The following CARS1 variants were observed in gnomAD, a reference collection of about 807,000 sequenced individuals.
CARS1 encodes the protein cysteinyl-tRNA synthetase 1, also known as cysteine--tRNA ligase, cytoplasmic.
CARS1 carries 48 observed loss-of-function variants against 106.2 expected under a neutral mutation model. That is an observed-to-expected ratio of 0.45 (90% CI 0.36 to 0.57). The LOEUF (loss-of-function observed/expected upper bound fraction) is 0.57. CARS1 is among the 20% of genes least tolerant of loss of function. The pLI is 0.00. For synonymous variants in CARS1, 409 were observed against 403.4 expected (o/e 1.01, Z -0.17); for missense variants, 968 against 1,057.2 (o/e 0.92, Z 1.17).
rs1413167199 is a variant in CARS1, at chr11:3,029,060, G to A, written c.967C>T (p.Arg323Trp). ...LNVLPPDVLT[R>W]VSEYVPEIVN... The stretch of plus-strand genomic sequence containing the variant: ...ATTTCTGGCACATACTCACTAACCC[G>A]GGTTAAGACATCTGGAGGGAGAACC... Residue 323 changes from arginine (R) to tryptophan (W), a missense_variant, in exon 9 of 23, where the codon CGG becomes TGG. Transcript: ENST00000380525. The surrounding 1 kb of genome is among the most constrained non-coding windows in gnomAD (Gnocchi z 5.9). 1.9e-6 allele frequency: 3 copies of A among 1,613,544 alleles called. No individual in the cohort carries two copies. Among genetic ancestry groups the A allele is most frequent in the Non-Finnish European group, 1.7e-6 (2 of 1,179,496 alleles).
In CARS1 at chr11:3,040,865, A is replaced by G. The variant is rs753311098; in HGVS notation, c.455+31T>C. ...CTCTGACTTCTGCGTGCAACTGCAG[A>G]AGCTGCAGGGACACCCCGCGGTGGA... On this transcript the variant is annotated intron_variant, in intron 4 of 22. Transcript: ENST00000380525. This position sits in a 1 kb window ranked among gnomAD's most constrained non-coding sequence, Gnocchi z 5.8. 1.9e-6 allele frequency: 3 copies of G among 1,606,004 alleles called. No homozygotes were observed. In the East Asian group the frequency reaches 6.7e-5, roughly 36 times the overall value.
chr11:3,054,991 T>C (rs1347414738), intron 1 of CARS1: 1 of 702,422 alleles, frequency 1.4e-6, no homozygotes, highest in East Asian at 2.7e-5. Flanking sequence ...ATAATCAGGC[T>C]CTTGGACAGG....
In CARS1 at chr11:3,001,017, G is replaced by A. The variant is rs1849351960; in HGVS notation, c.*97C>T. On this transcript the variant is annotated 3_prime_UTR_variant, in exon 23 of 23. Transcript: ENST00000380525. ...CACAACTCTTAATTTAGGACCCAAG[G>A]GTGACTGTAAACATGATAGGAGCGC... The A allele has an allele frequency of 7.3e-7, 1 of 1,374,294 alleles. No homozygotes were observed. The highest frequency in any genetic ancestry group is 1.4e-5 in the African/African-American group (1 of 70,168). 85.1% of individuals were successfully genotyped at this position (1,374,294 alleles called of 1,614,324 possible). A position where few individuals can be genotyped will look rare whatever the true frequency, so the allele number is the denominator to read the frequency against.
chr11:3,055,136 A>G, intron 1 of CARS1: 1 of 598,314 alleles, frequency 1.7e-6, no homozygotes, highest in Non-Finnish European at 3.0e-6. Context: ...AAATCTGGGA[A>G]GATGGTCACT....
Position 3,017,982 on chromosome 11 carries a change from C to A in CARS1, c.1630-28G>T, listed in dbSNP as rs771823513. ...GAAGTTAGAAAAATCAGTTTAACAG[C>A]ATTTAGGCAACTTTTCCATCCTGAA... On this transcript the variant is annotated intron_variant, in intron 14 of 22. Coordinates refer to ENST00000380525, the MANE Select transcript of CARS1 (RefSeq NM_001014437.3). The surrounding 1 kb of genome is among the most constrained non-coding windows in gnomAD (Gnocchi z 4.9). 5.5e-6 allele frequency: 8 copies of A among 1,466,028 alleles called. No individual in the cohort carries two copies. Among genetic ancestry groups the A allele is most frequent in the Admixed American group, 5.1e-5 (3 of 58,422 alleles). The allele number at this position is 1,466,028 out of a possible 1,614,324, so 90.8% of individuals were successfully genotyped here. A position where few individuals can be genotyped will look rare whatever the true frequency, so the allele number is the denominator to read the frequency against.
chr11:3,020,408 C>T lies in CARS1; in HGVS notation c.1154-76G>A. 2 of 848,590 alleles carry T rather than the reference C, an allele frequency of 2.4e-6. No homozygotes were observed. Among genetic ancestry groups the T allele is most frequent in the Non-Finnish European group, 4.1e-6 (2 of 492,578 alleles). 52.6% of individuals were successfully genotyped at this position (848,590 alleles called of 1,614,324 possible). On this transcript the variant is annotated intron_variant, in intron 10 of 22. Coordinates refer to ENST00000380525, the MANE Select transcript of CARS1 (RefSeq NM_001014437.3). The surrounding 1 kb of genome is among the most constrained non-coding windows in gnomAD (Gnocchi z 4.6). Reference sequence around the variant, plus strand: ...CCACATGTCTCACTTCAAGGCCATCCACGGTGCCTAATGGGCAGTCCTTCT... The same window carrying T: ...CCACATGTCTCACTTCAAGGCCATCTACGGTGCCTAATGGGCAGTCCTTCT...
rs183436671 is a variant in CARS1 at position 3,050,491 on chromosome 11, C to T, written c.26-2490G>A. Among the ~76,000 whole-genome samples, 232 of 152,288 alleles carry T rather than the reference C, an allele frequency of 1.5e-3. 1 individual carries two copies. Among genetic ancestry groups the T allele is most frequent in the African/African-American group, 5.3e-3 (219 of 41,558 alleles). On this transcript the variant is annotated intron_variant, in intron 1 of 22. Transcript: ENST00000380525. This position sits in a 1 kb window ranked among gnomAD's most constrained non-coding sequence, Gnocchi z 6.3. ...AGAAGCTTTGGACTTGAGAGCCAGCCCTTGTCACCTGGATTCCTGCAAGCC... is the reference window on the plus strand; with the variant it reads ...AGAAGCTTTGGACTTGAGAGCCAGCTCTTGTCACCTGGATTCCTGCAAGCC...
chr11:3,054,111 C>A (rs1206376864), intron 1 of CARS1, among the ~76,000 whole-genome samples: 2 of 152,124 alleles, frequency 1.3e-5, no homozygotes, highest in Non-Finnish European at 2.9e-5. Context: ...AACTAGGAGC[C>A]AACACTGCCC....
At chr11:3,026,866 T>C (rs1229556110) in intron 9 of CARS1, 69 bp from the exon 10 acceptor site, 5 of 1,541,366 alleles carry the variant, frequency 3.2e-6, no homozygotes, top group South Asian at 1.2e-5. Context: ...AGGATGACAG[T>C]AACAAAATAA....
At position 3,034,156 on chromosome 11, in the gene CARS1, CGT is replaced by C. The variant is rs555119910; in HGVS notation, c.801+3892_801+3893del. ...TGCCAACATGTAACAGAGATGAATT[CGT>C]GTCTTAGTCTGTTTTCTGTTTTTTT... On this transcript the variant is annotated intron_variant, in intron 7 of 22. Coordinates refer to ENST00000380525, the MANE Select transcript of CARS1 (RefSeq NM_001014437.3). This position sits in a 1 kb window ranked among gnomAD's most constrained non-coding sequence, Gnocchi z 6.3. Among the ~76,000 whole-genome samples, 103 of 151,388 alleles carry C rather than the reference CGT, an allele frequency of 6.8e-4. No homozygotes were observed. Among genetic ancestry groups the C allele is most frequent in the Non-Finnish European group, 1.3e-3 (89 of 67,850 alleles).
chr11:3,002,193 GGAA>G, intron 21 of CARS1, 140 bp from the exon 22 acceptor site: 1 of 701,576 alleles, frequency 1.4e-6, no homozygotes, highest in Non-Finnish European at 2.5e-6. Flanking sequence ...GATGGGAAGG[GGAA>G]AGCCAAGGTG....
Position 3,019,041 on chromosome 11 carries a change from G to C in CARS1, c.1395+98C>G. On this transcript the variant is annotated intron_variant, in intron 12 of 22. Transcript: ENST00000380525. The surrounding 1 kb of genome is among the most constrained non-coding windows in gnomAD (Gnocchi z 6.2). ...GCCCCGATGAAGGTGTCAAGTTCTAGTGAGAGAGGCCCTTCTGAGGCCTGG... is the reference window on the plus strand; with the variant it reads ...GCCCCGATGAAGGTGTCAAGTTCTACTGAGAGAGGCCCTTCTGAGGCCTGG... 1 of 1,361,430 alleles carries C rather than the reference G, an allele frequency of 7.3e-7. No homozygotes were observed. The highest frequency in any genetic ancestry group is 9.9e-7 in the Non-Finnish European group (1 of 1,006,226). 84.3% of individuals were successfully genotyped at this position (1,361,430 alleles called of 1,614,324 possible). A position where few individuals can be genotyped will look rare whatever the true frequency, so the allele number is the denominator to read the frequency against.
chr11:3,033,659 CAG>C lies in CARS1; in HGVS notation c.802-4218_802-4217del, dbSNP rs140867575. Among the ~76,000 whole-genome samples, 476 of 152,082 alleles carry C rather than the reference CAG, an allele frequency of 3.1e-3. 3 individuals carry two copies. The highest frequency in any genetic ancestry group is 0.01 in the African/African-American group (435 of 41,480). On this transcript the variant is annotated intron_variant, in intron 7 of 22. Coordinates refer to ENST00000380525, the MANE Select transcript of CARS1 (RefSeq NM_001014437.3). ...AACTGCTAAATGAGACAAAGAAAAA[CAG>C]AATAAATCCAAAGGAAAAAGAAGAA...
intron 22 of CARS1, 135 bp downstream of exon 22, chr11:3,001,835 A>G (rs1849426396): frequency 1.3e-6 from 1 of 770,064 alleles, no homozygotes; most frequent in Non-Finnish European, 2.3e-6. Context: ...CTGGACCTAA[A>G]GCGGGTGTCA....
chr11:3,055,926 C>T (rs189636843), intron 1 of CARS1, among the ~76,000 whole-genome samples: 113 of 152,256 alleles, frequency 7.4e-4, no homozygotes, highest in Non-Finnish European at 1.5e-4. Context: ...GAGTTGGAAC[C>T]CTGGCCCTTC....
chr11:3,026,982 G>A (rs1367760472), intron 9 of CARS1, 185 bp from the exon 10 acceptor site: 9 of 629,544 alleles, frequency 1.4e-5, no homozygotes, highest in East Asian at 3.1e-5. Flanking sequence ...GGCCCATCCC[G>A]CTGCGGAGGC....
rs578167700 is a variant in CARS1 at position 3,043,967 on chromosome 11, T to C, written c.275-1711A>G. Among the ~76,000 whole-genome samples the C allele has an allele frequency of 8.8e-4, 134 of 152,190 alleles. 4 individuals are homozygous for C. In the South Asian group the frequency reaches 0.026, roughly 30 times the overall value. ...GGCAATCTCCAATCTTAATCAAACA[T>C]CATGTGCTTATTGAGGCCAAGTGCA... is the stretch of plus-strand genomic sequence containing the variant. On this transcript the variant is annotated intron_variant, in intron 2 of 22. Transcript: ENST00000380525. The surrounding 1 kb of genome is among the most constrained non-coding windows in gnomAD (Gnocchi z 4.0).
At chr11:3,011,198 G>T (rs917253237) in intron 18 of CARS1, among the ~76,000 whole-genome samples, 1 of 152,274 alleles carries the variant, frequency 6.6e-6, no homozygotes, top group Non-Finnish European at 1.5e-5. Context: ...GCAAAGGCCT[G>T]CCTGATGCTG....
chr11:3,016,445 C>A (rs375105302), intron 16 of CARS1, among the ~76,000 whole-genome samples: 2 of 151,914 alleles, frequency 1.3e-5, no homozygotes, highest in East Asian at 1.9e-4. Context: ...GGATGGTCTC[C>A]ATCTCCTGAC....
Sources: allele counts gnomAD v4.1 joint callset (sites outside exome capture counted in the v4.1 genomes callset), GRCh38; gene constraint gnomAD v4.1.1; non-coding constraint Gnocchi (gnomAD v3.1); transcripts MANE v1.5; gene names NCBI Gene and HGNC (gene_info 2026-07-23, HGNC 2026-07-21).